Variants in PRCP observed in about 807,000 individuals in gnomAD.
The protein encoded by PRCP is prolylcarboxypeptidase.
A neutral mutation model predicts 54.2 loss-of-function variants in PRCP; 46 were observed. The observed-to-expected ratio is 0.85, with a 90% CI of 0.67 to 1.09. The LOEUF (loss-of-function observed/expected upper bound fraction) is 1.09, where lower values mean the gene tolerates loss of function less well. Ranked by LOEUF, PRCP falls within the 50% of genes least tolerant of loss-of-function variation. PRCP has a pLI of 0.00. For synonymous variants in PRCP, 240 were observed against 212.2 expected (o/e 1.13, Z -1.14); for missense variants, 613 against 596.8 (o/e 1.03, Z -0.28).
rs1214587480 is a variant in PRCP, at chr11:82,900,424, T to C, written c.-22A>G. 1.2e-6 allele frequency: 2 copies of C among 1,610,016 alleles called. No homozygotes were observed. Among genetic ancestry groups the C allele is most frequent in the Admixed American group, 1.7e-5 (1 of 59,766 alleles). The stretch of plus-strand genomic sequence containing the variant: ...CCATGGCTCAGGCTGGAGACTGCAG[T>C]GCGGGTGGGAGGGCGAAAAGGAGGC... On this transcript the variant is annotated 5_prime_UTR_variant, in exon 1 of 9. Transcript: ENST00000313010.
intron 6 of PRCP, among the ~76,000 whole-genome samples, chr11:82,844,414 C>T (rs963189780): frequency 6.6e-6 from 1 of 151,788 alleles, no homozygotes; most frequent in African/African-American, 2.4e-5. Flanking sequence ...CAGAATGAGA[C>T]CTTCTCTCTT....
At chr11:82,859,951 C>T (rs1424620571) in intron 2 of PRCP, 26 bp downstream of exon 2, 3 of 1,530,376 alleles carry the variant, frequency 2.0e-6, no homozygotes, top group African/African-American at 1.4e-5. Context: ...AAATTGAGCA[C>T]TGGAATTTCA....
At chr11:82,896,083 T>C (rs147356349) in intron 1 of PRCP, among the ~76,000 whole-genome samples, 1 of 152,322 alleles carries the variant, frequency 6.6e-6, no homozygotes, top group Non-Finnish European at 1.5e-5. Flanking sequence ...GATGAGAGTG[T>C]ATTTTCAGGA....
At chr11:82,834,096 T>G (rs904603818) in intron 8 of PRCP, among the ~76,000 whole-genome samples, 1 of 152,180 alleles carries the variant, frequency 6.6e-6, no homozygotes, top group Non-Finnish European at 1.5e-5. Flanking sequence ...CCTCCAGCCA[T>G]GTAAGGGTGC....
intron 8 of PRCP, chr11:82,827,062 GA>G (rs1276360451): frequency 1.3e-5 from 2 of 152,114 alleles, no homozygotes; most frequent in African/African-American, 4.8e-5. Context: ...CATACCACTG[GA>G]AATTACTTAT....
At chr11:82,864,076 C>T (rs922621727) in intron 1 of PRCP, among the ~76,000 whole-genome samples, 2 of 152,224 alleles carry the variant, frequency 1.3e-5, no homozygotes, top group Admixed American at 6.5e-5. Context: ...CAGATATATA[C>T]GTGCTTAAAA....
chr11:82,897,775 T>C (rs981461594), intron 1 of PRCP, among the ~76,000 whole-genome samples: 3 of 152,172 alleles, frequency 2.0e-5, no homozygotes, highest in Non-Finnish European at 4.4e-5. Context: ...ATCAGAGTTA[T>C]GAAGAATTTC....
At chr11:82,880,939 AT>A (rs766153201) in intron 1 of PRCP, among the ~76,000 whole-genome samples, 3 of 152,028 alleles carry the variant, frequency 2.0e-5, no homozygotes, top group Non-Finnish European at 2.9e-5. Flanking sequence ...AAACAGAATC[AT>A]CTTCCTACAA....
chr11:82,857,216 T>C lies in PRCP; in HGVS notation c.309+2761A>G, dbSNP rs140881500. Among the ~76,000 whole-genome samples the C allele has an allele frequency of 3.8e-3, 585 of 152,250 alleles. 2 individuals carry two copies. The highest frequency in any genetic ancestry group is 0.014 in the African/African-American group (565 of 41,556). On this transcript the variant is annotated intron_variant, in intron 2 of 8. Transcript: ENST00000313010. ...TTAATCTTCTTTATTGGAAAATAAA[T>C]AGTAGCACACAATGGCTAATAATAA...
intron 1 of PRCP, among the ~76,000 whole-genome samples, chr11:82,860,463 C>A (rs1237953614): frequency 1.3e-5 from 2 of 151,646 alleles, no homozygotes; most frequent in Admixed American, 1.3e-4. Context: ...TTTTAATTGG[C>A]AAATAAAATT....
intron 1 of PRCP, among the ~76,000 whole-genome samples, chr11:82,865,446 T>C (rs1262626701): frequency 6.6e-6 from 1 of 152,218 alleles, no homozygotes; most frequent in Non-Finnish European, 1.5e-5. Context: ...GTTACTACAC[T>C]ACTATTGCTA....
intron 2 of PRCP, among the ~76,000 whole-genome samples, chr11:82,859,079 A>G (rs772897675): frequency 2.0e-5 from 3 of 152,216 alleles, no homozygotes; most frequent in Non-Finnish European, 4.4e-5. Flanking sequence ...TACATAATTC[A>G]TTCCCCACTT....
chr11:82,861,979 A>T (rs1326392593), intron 1 of PRCP, among the ~76,000 whole-genome samples: 1 of 152,116 alleles, frequency 6.6e-6, no homozygotes, highest in Admixed American at 6.5e-5. Flanking sequence ...GAGCACCAAC[A>T]TGATACTCAA....
intron 1 of PRCP, among the ~76,000 whole-genome samples, chr11:82,870,779 A>C (rs1859460825): frequency 6.6e-6 from 1 of 152,184 alleles, no homozygotes; most frequent in Non-Finnish European, 1.5e-5. Context: ...GAGCAGGAGC[A>C]GAGAAGTTTA....
intron 2 of PRCP, 107 bp from the exon 3 acceptor site, chr11:82,853,385 C>A (rs1859006401): frequency 1.3e-6 from 1 of 779,014 alleles, no homozygotes; most frequent in African/African-American, 1.8e-5. Context: ...ACAAAAAGAG[C>A]ACTCTACAAA....
intron 2 of PRCP, among the ~76,000 whole-genome samples, chr11:82,855,314 G>A (rs187003198): frequency 6.6e-6 from 1 of 152,124 alleles, no homozygotes; most frequent in Non-Finnish European, 1.5e-5. Flanking sequence ...GAATCTATAA[G>A]GAACTTAAAT....
At position 82,849,950 on chromosome 11, in the gene PRCP, T is replaced by G; in HGVS notation, c.715A>C (p.Arg239=). 6.5e-7 allele frequency: 1 copy of G among 1,528,914 alleles called. No homozygotes were observed. Among genetic ancestry groups the G allele is most frequent in the Non-Finnish European group, 8.8e-7 (1 of 1,136,342 alleles). 94.7% of individuals were successfully genotyped at this position (1,528,914 alleles called of 1,614,324 possible). ...AGTCGATTAATGGCATCCCAGGACC[T>G]GTGGATGCTCTCTGAACAATGTGGA... is the stretch of plus-strand genomic sequence containing the variant. ...SGPHCSESIH[R]SWDAINRLSN... The change falls in exon 5 of 9, where the codon AGG becomes CGG. Residue 239 remains arginine, a synonymous_variant. Transcript: ENST00000313010.
chr11:82,900,301 C>T lies in PRCP; in HGVS notation c.102G>A (p.Leu34=). The change falls in exon 1 of 9, where the codon TTG becomes TTA. Residue 34 remains leucine (L), a synonymous_variant. Coordinates refer to ENST00000313010, the MANE Select transcript of PRCP (RefSeq NM_005040.4). The part of the protein sequence containing the change: ...PALRALGSLH[L]PTNPTSLPAV... ...CCGGGAGGGATGTGGGGTTGGTTGG[C>T]AAGTGTAGGCTGCCGAGGGCCCTTA... The T allele has an allele frequency of 6.2e-7, 1 of 1,614,226 alleles. No individual in the cohort carries two copies. Among genetic ancestry groups the T allele is most frequent in the East Asian group, 2.2e-5 (1 of 44,884 alleles).
At chr11:82,839,447 T>C (rs762377776) in intron 6 of PRCP, 22 bp from the exon 7 acceptor site, 1 of 1,592,670 alleles carries the variant, frequency 6.3e-7, no homozygotes, top group South Asian at 1.1e-5. Flanking sequence ...GAAAGATAAA[T>C]GGGGAAAGAG....
Sources: gnomAD v4.1 joint callset for allele counts (sites outside exome capture counted in the v4.1 genomes callset) on GRCh38, gnomAD v4.1.1 for gene constraint, MANE v1.5 for transcripts, NCBI Gene and HGNC (gene_info 2026-07-23, HGNC 2026-07-21) for gene names.